The following AFF2 variants were observed in gnomAD, a reference collection of about 807,000 sequenced individuals.
The protein encoded by AFF2 is ALF transcription elongation factor 2, also known as AF4/FMR2 family member 2.
A neutral mutation model predicts 76.9 loss-of-function variants in AFF2; 14 were observed. The ratio of observed to expected loss-of-function variants is 0.18; its 90% CI spans 0.12 to 0.28. The LOEUF is 0.28. Among genes scored for constraint, AFF2 ranks in the 10% least tolerant of loss-of-function variants. The pLI is 1.00. For synonymous variants in AFF2, 398 were observed against 366.7 expected (o/e 1.09, Z -0.98); for missense variants, 868 against 1,001.1 (o/e 0.87, Z 1.79).
chrX:148,648,582 A>G (rs2054170460), intron 1 of AFF2, among the ~76,000 whole-genome samples: 1 of 107,638 alleles, frequency 9.3e-6, no homozygotes, highest in Non-Finnish European at 1.9e-5. Context: ...AAAAAAAAAA[A>G]AAAGAAAAGA....
intron 7 of AFF2, among the ~76,000 whole-genome samples, chrX:148,883,037 A>G (rs1336326435): frequency 9.1e-6 from 1 of 109,802 alleles, no homozygotes; most frequent in Non-Finnish European, 1.9e-5. Context: ...TTGGCTGCCT[A>G]TTTCCAGAAC....
chrX:148,739,504 C>G (rs996659901), intron 3 of AFF2, among the ~76,000 whole-genome samples: 1 of 111,281 alleles, frequency 9.0e-6, no homozygotes, highest in Non-Finnish European at 1.9e-5. Flanking sequence ...CACCCCTTTA[C>G]TTGAAGTTTA....
chrX:148,520,322 CTT>C (rs2052581431), intron 1 of AFF2, among the ~76,000 whole-genome samples: 1 of 112,030 alleles, frequency 8.9e-6, no homozygotes, highest in South Asian at 3.7e-4. Context: ...TGAAAATAAA[CTT>C]TTGCAAACCT....
At chrX:148,848,812 A>T (rs1271666962) in intron 7 of AFF2, among the ~76,000 whole-genome samples, 1 of 112,117 alleles carries the variant, frequency 8.9e-6, no homozygotes, top group Non-Finnish European at 1.9e-5. Context: ...ATCAAGAAGT[A>T]TACCAACTCT....
chrX:148,720,655 T>G (rs1342430565), intron 3 of AFF2, among the ~76,000 whole-genome samples: 1 of 107,999 alleles, frequency 9.3e-6, no homozygotes, highest in Non-Finnish European at 2.0e-5. Flanking sequence ...GGAAGCATAT[T>G]TGTTAGTAAT....
At chrX:148,891,690 T>C (rs1422720694) in intron 8 of AFF2, among the ~76,000 whole-genome samples, 1 of 111,478 alleles carries the variant, frequency 9.0e-6, no homozygotes, top group Non-Finnish European at 1.9e-5. Flanking sequence ...TGTAGTCTGG[T>C]GTCCACAGGT....
At chrX:148,616,197 C>T (rs890260969) in intron 1 of AFF2, among the ~76,000 whole-genome samples, 2 of 111,585 alleles carry the variant, frequency 1.8e-5, no homozygotes, top group Non-Finnish European at 3.8e-5. Flanking sequence ...ATGTGTCTTC[C>T]ACTGGTCATG....
At chrX:148,715,122 A>G (rs2055012309) in intron 3 of AFF2, among the ~76,000 whole-genome samples, 1 of 111,357 alleles carries the variant, frequency 9.0e-6, no homozygotes, top group African/African-American at 3.3e-5. Context: ...CAGACCTTGA[A>G]CACCAGGATG....
Position 148,977,917 on chromosome X carries a change from T to A in AFF2, c.3405-16T>A. The A allele has an allele frequency of 8.5e-7, 1 of 1,173,982 alleles. No homozygotes were observed. ...GTAATACAGATTCCACTTTAGCTTT[T>A]CTTTTCTCTTCAAAGGTATGCAATG... is the stretch of plus-strand genomic sequence containing the variant. On this transcript the variant is annotated splice_polypyrimidine_tract_variant and intron_variant, in intron 16 of 20. Coordinates refer to ENST00000370460, the MANE Select transcript of AFF2 (RefSeq NM_002025.4).
intron 1 of AFF2, among the ~76,000 whole-genome samples, chrX:148,651,394 A>G (rs2054201041): frequency 8.9e-6 from 1 of 112,048 alleles, no homozygotes; most frequent in African/African-American, 3.2e-5. Flanking sequence ...GCTTCCATTC[A>G]CTTTTGAAGA....
intron 3 of AFF2, among the ~76,000 whole-genome samples, chrX:148,692,227 C>G (rs2124503257): frequency 8.9e-6 from 1 of 112,021 alleles, no homozygotes; most frequent in East Asian, 2.8e-4. Context: ...TGTTCAAATA[C>G]ATCATCATAT....
chrX:148,736,463 A>AT (rs1265821283), intron 3 of AFF2, among the ~76,000 whole-genome samples: 37 of 104,747 alleles, frequency 3.5e-4, no homozygotes, highest in Non-Finnish European at 2.6e-4. Context: ...TTTTGATGGG[A>AT]TTTTTTTTTT....
chrX:148,855,058 T>C (rs2070772107), intron 7 of AFF2, among the ~76,000 whole-genome samples: 1 of 111,738 alleles, frequency 8.9e-6, no homozygotes, highest in Non-Finnish European at 1.9e-5. Context: ...AAAACAGATA[T>C]CAAATATTAA....
In AFF2 at chrX:148,782,013, A is replaced by G. The variant is rs1365820675; in HGVS notation, c.1042-27863A>G. ...CTTCTGCTCGCCATCCTTGGGCTGCACCCACTGTCTAACCAGTCCCAATGA... is the reference window on the plus strand; with the variant it reads ...CTTCTGCTCGCCATCCTTGGGCTGCGCCCACTGTCTAACCAGTCCCAATGA... On this transcript the variant is annotated intron_variant, in intron 3 of 20. Transcript: ENST00000370460. Among the ~76,000 whole-genome samples, 3 of 110,285 alleles carry G rather than the reference A, an allele frequency of 2.7e-5. No individual in the cohort carries two copies. The Admixed American group carries it at 2.9e-4, about 11-fold the overall frequency.
intron 14 of AFF2, 118 bp downstream of exon 14, chrX:148,967,197 A>C (rs782392391): frequency 1.7e-5 from 18 of 1,057,000 alleles, no homozygotes; most frequent in Admixed American, 2.8e-5. Flanking sequence ...ATCAAATCCT[A>C]TACCCTTAAA....
chrX:148,801,096 C>G (rs1326420888), intron 3 of AFF2, among the ~76,000 whole-genome samples: 1 of 111,819 alleles, frequency 8.9e-6, no homozygotes, highest in Non-Finnish European at 1.9e-5. Context: ...GGAGTCACTA[C>G]GGTGGAGTCC....
intron 1 of AFF2, among the ~76,000 whole-genome samples, chrX:148,563,983 T>C (rs782612790): frequency 2.1e-4 from 24 of 111,998 alleles, no homozygotes; most frequent in Admixed American, 6.6e-4. Context: ...TTGTTTCTAA[T>C]GCTTATCATG....
intron 3 of AFF2, among the ~76,000 whole-genome samples, chrX:148,717,399 A>AGGCTAGG (rs25582): frequency 0.32 from 35,656 of 110,638 alleles, 5,376 homozygotes; most frequent in African/African-American, 0.58. Flanking sequence ...CAGTTACCAG[A>AGGCTAGG]GGATGGGGAA....
At chrX:148,552,729 A>G (rs1557239122) in intron 1 of AFF2, among the ~76,000 whole-genome samples, 1 of 112,416 alleles carries the variant, frequency 8.9e-6, no homozygotes, top group Non-Finnish European at 1.9e-5. Flanking sequence ...CAGCACAGAT[A>G]GATGCCTTTG....
Sources: gnomAD v4.1 joint callset for allele counts (sites outside exome capture counted in the v4.1 genomes callset) on GRCh38, gnomAD v4.1.1 for gene constraint, MANE v1.5 for transcripts, NCBI Gene and HGNC (gene_info 2026-07-23, HGNC 2026-07-21) for gene names.